The following CNTROB variants were observed in gnomAD, a reference collection of about 807,000 sequenced individuals.
The protein encoded by CNTROB is centrobin.
CNTROB carries 82 observed loss-of-function variants against 115.7 expected under a neutral mutation model. The ratio of observed to expected loss-of-function variants is 0.71; its 90% CI spans 0.59 to 0.85. The LOEUF (loss-of-function observed/expected upper bound fraction) is 0.85, where lower values mean the gene tolerates loss of function less well. Among genes scored for constraint, CNTROB ranks in the 40% least tolerant of loss-of-function variants. The probability of loss-of-function intolerance (pLI) is 0.00; values close to 1 mark genes in which losing one functional copy is unlikely to be tolerated. For missense variants in CNTROB, 1,014 were observed against 1,144.4 expected, an observed-to-expected ratio of 0.89 and a Z score of 1.64; for synonymous variants, 439 against 456.4, an observed-to-expected ratio of 0.96 and a Z score of 0.49.
chr17:7,934,234 C>T lies in CNTROB; in HGVS notation c.355+12C>T, dbSNP rs757444176. ...TGATACAGCCTATCGTGAGTAAGCC[C>T]CTTCCCTAGAACTATGAAGGAGAAC... On this transcript the variant is annotated intron_variant, in intron 2 of 18. Transcript: ENST00000563694. The T allele has an allele frequency of 5.6e-6, 9 of 1,611,858 alleles. No individual in the cohort carries two copies. In the East Asian group the frequency reaches 1.8e-4, roughly 32 times the overall value.
chr17:7,934,809 C>T (rs1273673546), intron 3 of CNTROB, 180 bp from the exon 4 acceptor site: 3 of 781,676 alleles, frequency 3.8e-6, no homozygotes, highest in Non-Finnish European at 6.0e-6. Flanking sequence ...CTGCTGAAAC[C>T]TTTAAGTGAA....
intron 18 of CNTROB, 81 bp from the exon 19 acceptor site, chr17:7,949,304 T>G: frequency 6.3e-7 from 1 of 1,597,160 alleles, no homozygotes; most frequent in Non-Finnish European, 8.6e-7. Context: ...TCTGGCCCTC[T>G]CCACGTGCAT....
chr17:7,945,586 A>G, intron 12 of CNTROB, 142 bp from the exon 13 acceptor site: 1 of 872,170 alleles, frequency 1.1e-6, no homozygotes, highest in Non-Finnish European at 1.7e-6. Context: ...GCCAGCCTCA[A>G]ACGGTCCTCC....
In CNTROB at chr17:7,943,508, C is replaced by A; in HGVS notation, c.1429C>A (p.Leu477Ile). The A allele has an allele frequency of 6.2e-7, 1 of 1,613,000 alleles. No individual in the cohort carries two copies. The highest frequency in any genetic ancestry group is 8.5e-7 in the Non-Finnish European group (1 of 1,179,314). Residue 477 changes from leucine to isoleucine, a missense_variant, in exon 10 of 19, where the codon CTC becomes ATC. Leu to Ile is a conservative substitution (Grantham distance 5, BLOSUM62 2). Coordinates refer to ENST00000563694, the MANE Select transcript of CNTROB (RefSeq NM_053051.5). The surrounding 1 kb of genome is among the most constrained non-coding windows in gnomAD (Gnocchi z 4.7). ...GAGCAGCCTACGGCAAGCAGCCTCC[C>A]TCAGGGAACATCACAGGTACGTGGG... ...QESSLRQAAS[L>I]REHHRKQLQD...
At chr17:7,933,821 G>T (rs928658092) in intron 1 of CNTROB, among the ~76,000 whole-genome samples, 1 of 152,218 alleles carries the variant, frequency 6.6e-6, no homozygotes, top group Admixed American at 6.5e-5. Flanking sequence ...TAGAAAAGGT[G>T]TCAGAGTCAA....
At chr17:7,937,400 A>G (rs541722758) in intron 7 of CNTROB, 138 bp downstream of exon 7, 1 of 983,992 alleles carries the variant, frequency 1.0e-6, no homozygotes, top group South Asian at 1.6e-5. Context: ...TCCTTAGAAC[A>G]CTAATTCAGC....
At chr17:7,946,217 C>CT (rs2151775228) in intron 13 of CNTROB, among the ~76,000 whole-genome samples, 1 of 152,342 alleles carries the variant, frequency 6.6e-6, no homozygotes, top group African/African-American at 2.4e-5. Context: ...GAACGGGGTA[C>CT]TATCAGGAAC....
At position 7,948,664 on chromosome 17, in the gene CNTROB, T is replaced by C; in HGVS notation, c.2513+45T>C. 1 of 1,614,062 alleles carries C rather than the reference T, an allele frequency of 6.2e-7. No individual in the cohort carries two copies. The highest frequency in any genetic ancestry group is 1.1e-5 in the South Asian group (1 of 91,070). ...GAGGAAGGATTCTCCGGGTGGAAGC[T>C]GGATTATGGGGAGTGGAGTGGGTGT... is the stretch of plus-strand genomic sequence containing the variant. On this transcript the variant is annotated intron_variant, in intron 17 of 18. Coordinates refer to ENST00000563694, the MANE Select transcript of CNTROB (RefSeq NM_053051.5). The surrounding 1 kb of genome is among the most constrained non-coding windows in gnomAD (Gnocchi z 4.4).
chr17:7,947,886 A>G lies in CNTROB; in HGVS notation c.2146-30A>G, dbSNP rs144310264. Reference sequence around the variant, plus strand: ...TGGGCGTTTTTCTCTATCAGTCCCTAGGGAACTTGACAATCTTATTCACCC... The same window carrying G: ...TGGGCGTTTTTCTCTATCAGTCCCTGGGGAACTTGACAATCTTATTCACCC... On this transcript the variant is annotated intron_variant, in intron 14 of 18. Transcript: ENST00000563694. The G allele has an allele frequency of 2.9e-4, 469 of 1,612,628 alleles. 1 individual carries two copies. In the African/African-American group the frequency reaches 5.7e-3, roughly 19 times the overall value.
chr17:7,943,426 G>A lies in CNTROB; in HGVS notation c.1347G>A (p.Ser449=), dbSNP rs149383936. ...AAAGCCAGCGGATCCAGCTGGAGTC[G>A]GAGCTGGCTGTGCAGCTGGAGCAGC... ...RYESQRIQLE[S]ELAVQLEQRV... is the part of the protein sequence containing the mutation. Residue 449 remains serine, a synonymous_variant, in exon 10 of 19, where the codon TCG becomes TCA. Transcript: ENST00000563694. This position sits in a 1 kb window ranked among gnomAD's most constrained non-coding sequence, Gnocchi z 4.7. 583 of 1,613,268 alleles carry A rather than the reference G, an allele frequency of 3.6e-4. 2 individuals are homozygous for A. The highest frequency in any genetic ancestry group is 1.0e-4 in the Non-Finnish European group (121 of 1,179,384).
In CNTROB at chr17:7,932,309, G is replaced by A. The variant is rs1411767454; in HGVS notation, c.-771G>A. ...GCTTGCCCCCCACTTTGGCAAATTG[G>A]GGACTGAGGACTGGAAGGGTGGAGA... On this transcript the variant is annotated 5_prime_UTR_variant, in exon 1 of 19. Coordinates refer to ENST00000563694, the MANE Select transcript of CNTROB (RefSeq NM_053051.5). The A allele has an allele frequency of 1.1e-5, 2 of 187,382 alleles. No homozygotes were observed. Among genetic ancestry groups the A allele is most frequent in the East Asian group, 1.5e-4 (1 of 6,744 alleles). 11.6% of individuals were successfully genotyped at this position (187,382 alleles called of 1,614,324 possible).
chr17:7,948,699 T>G lies in CNTROB; in HGVS notation c.2513+80T>G. 1 of 1,613,452 alleles carries G rather than the reference T, an allele frequency of 6.2e-7. No homozygotes were observed. Among genetic ancestry groups the G allele is most frequent in the South Asian group, 1.1e-5 (1 of 91,058 alleles). ...GGAGTGGAGTGGGTGTGTTTTACAC[T>G]GAATTGAATCGTTGTCCTTTTCTGG... On this transcript the variant is annotated intron_variant, in intron 17 of 18. Coordinates refer to ENST00000563694, the MANE Select transcript of CNTROB (RefSeq NM_053051.5). The surrounding 1 kb of genome is among the most constrained non-coding windows in gnomAD (Gnocchi z 4.4).
At chr17:7,936,178 G>C in intron 4 of CNTROB, 188 bp from the exon 5 acceptor site, 1 of 587,606 alleles carries the variant, frequency 1.7e-6, no homozygotes, top group Middle Eastern at 4.6e-4. Context: ...ACAGAAACAT[G>C]TTGGAGATCT....
In CNTROB at chr17:7,944,440, A is replaced by G; in HGVS notation, c.1572-36A>G. On this transcript the variant is annotated intron_variant, in intron 11 of 18. Coordinates refer to ENST00000563694, the MANE Select transcript of CNTROB (RefSeq NM_053051.5). The surrounding 1 kb of genome is among the most constrained non-coding windows in gnomAD (Gnocchi z 4.0). ...TTAGCTCCCAAGTATCTGCTTCCTT[A>G]AAGGCCCTGAGTCACTTCTTCTCTC... is the stretch of plus-strand genomic sequence containing the variant. The G allele has an allele frequency of 1.2e-6, 2 of 1,604,832 alleles. No homozygotes were observed. The highest frequency in any genetic ancestry group is 2.2e-5 in the South Asian group (2 of 90,482).
chr17:7,934,778 C>G, intron 3 of CNTROB: 1 of 697,764 alleles, frequency 1.4e-6, no homozygotes, highest in South Asian at 2.0e-5. Flanking sequence ...CATTCTTCCC[C>G]TCTAAAGAGT....
In CNTROB at chr17:7,944,774, C is replaced by T; in HGVS notation, c.1734+136C>T. 9.9e-7 allele frequency: 1 copy of T among 1,011,590 alleles called. No individual in the cohort carries two copies. Among genetic ancestry groups the T allele is most frequent in the South Asian group, 1.9e-5 (1 of 52,044 alleles). 62.7% of individuals were successfully genotyped at this position (1,011,590 alleles called of 1,614,324 possible). On this transcript the variant is annotated intron_variant, in intron 12 of 18. Coordinates refer to ENST00000563694, the MANE Select transcript of CNTROB (RefSeq NM_053051.5). The surrounding 1 kb of genome is among the most constrained non-coding windows in gnomAD (Gnocchi z 4.0). ...CTCATTGCAGCCTCGAACTCCTGGG[C>T]TCAAGTGATCCTCCCACCTCTAACT...
chr17:7,946,883 A>G (rs1049637647), intron 13 of CNTROB, among the ~76,000 whole-genome samples: 4 of 146,384 alleles, frequency 2.7e-5, no homozygotes, highest in African/African-American at 5.0e-5. Flanking sequence ...AAAAAAAAAA[A>G]GAGATTACAG....
In CNTROB at chr17:7,939,067, C is replaced by T. The variant is rs920937784; in HGVS notation, c.928-446C>T. Among the ~76,000 whole-genome samples the T allele has an allele frequency of 2.0e-5, 3 of 151,922 alleles. No individual in the cohort carries two copies. Among genetic ancestry groups the T allele is most frequent in the Non-Finnish European group, 1.5e-5 (1 of 67,994 alleles). ...GTGCTGGGATTACAGGCATGAGCCA[C>T]TGCGCCTGTCAACTATTGTGGGGTT... is the stretch of plus-strand genomic sequence containing the variant. On this transcript the variant is annotated intron_variant, in intron 7 of 18. Coordinates refer to ENST00000563694, the MANE Select transcript of CNTROB (RefSeq NM_053051.5). This position sits in a 1 kb window ranked among gnomAD's most constrained non-coding sequence, Gnocchi z 4.4.
In CNTROB at chr17:7,944,765, A is replaced by T. The variant is rs1974329377; in HGVS notation, c.1734+127A>T. On this transcript the variant is annotated intron_variant, in intron 12 of 18. Coordinates refer to ENST00000563694, the MANE Select transcript of CNTROB (RefSeq NM_053051.5). The surrounding 1 kb of genome is among the most constrained non-coding windows in gnomAD (Gnocchi z 4.0). Reference sequence around the variant, plus strand: ...AGATCATAGCTCATTGCAGCCTCGAACTCCTGGGCTCAAGTGATCCTCCCA... The same window carrying T: ...AGATCATAGCTCATTGCAGCCTCGATCTCCTGGGCTCAAGTGATCCTCCCA... 1.8e-6 allele frequency: 2 copies of T among 1,122,756 alleles called. No individual in the cohort carries two copies. Among genetic ancestry groups the T allele is most frequent in the Non-Finnish European group, 1.2e-6 (1 of 817,716 alleles). The allele number at this position is 1,122,756 out of a possible 1,614,324, so 69.5% of individuals were successfully genotyped here. A position where few individuals can be genotyped will look rare whatever the true frequency, so the allele number is the denominator to read the frequency against.
Sources: allele counts gnomAD v4.1 joint callset (sites outside exome capture counted in the v4.1 genomes callset), GRCh38; gene constraint gnomAD v4.1.1; non-coding constraint Gnocchi (gnomAD v3.1); transcripts MANE v1.5; gene names NCBI Gene and HGNC (gene_info 2026-07-23, HGNC 2026-07-21).